Variants in NOL10 observed in about 807,000 individuals in gnomAD.
The protein encoded by NOL10 is H_NH0074G24.1.
In NOL10, 58 loss-of-function variants were observed where a neutral mutation model predicts 103.5. The observed-to-expected ratio is 0.56, with a 90% CI of 0.45 to 0.70. NOL10 has a LOEUF of 0.70. Ranked by LOEUF, NOL10 falls within the 30% of genes least tolerant of loss-of-function variation. The pLI is 0.00. For missense variants in NOL10, 763 were observed against 807.3 expected (o/e 0.95, Z 0.67); for synonymous variants, 287 against 282.5 (o/e 1.02, Z -0.16).
rs1288942167 is a variant in NOL10 at position 10,589,215 on chromosome 2, C to A, written c.1672G>T (p.Val558Phe). ...SESSDDEKAWVEEVRKQRRLL... is the reference protein window; with the variant it reads ...SESSDDEKAWFEEVRKQRRLL... ...CTGCGTTGCTTCCTGACCTCTTCAACCCAGGCTTTTTCATCATCTGAACTC... is the reference window on the plus strand; with the variant it reads ...CTGCGTTGCTTCCTGACCTCTTCAAACCAGGCTTTTTCATCATCTGAACTC... The change falls in exon 19 of 21, where the codon GTT becomes TTT. Residue 558 changes from valine to phenylalanine, a missense_variant. Coordinates refer to ENST00000381685, the MANE Select transcript of NOL10 (RefSeq NM_024894.4). 1.9e-6 allele frequency: 3 copies of A among 1,613,956 alleles called. No homozygotes were observed.
chr2:10,603,969 G>A (rs190545519), intron 14 of NOL10, among the ~76,000 whole-genome samples: 15 of 152,304 alleles, frequency 9.8e-5, no homozygotes, highest in Non-Finnish European at 1.8e-4. Flanking sequence ...CCAGGGACTG[G>A]TTTTGTAGAA....
chr2:10,575,820 G>A (rs986278872), intron 20 of NOL10, among the ~76,000 whole-genome samples: 2 of 152,062 alleles, frequency 1.3e-5, no homozygotes, highest in Non-Finnish European at 2.9e-5. Flanking sequence ...AGTTTCAGAG[G>A]GAATCAACGA....
At chr2:10,583,272 T>C (rs1479977288) in intron 19 of NOL10, among the ~76,000 whole-genome samples, 1 of 152,230 alleles carries the variant, frequency 6.6e-6, no homozygotes, top group Non-Finnish European at 1.5e-5. Flanking sequence ...GCATTTGTAT[T>C]TTTCTCTAGA....
At chr2:10,642,259 T>C (rs1678747813) in intron 13 of NOL10, among the ~76,000 whole-genome samples, 1 of 152,182 alleles carries the variant, frequency 6.6e-6, no homozygotes, top group Non-Finnish European at 1.5e-5. Flanking sequence ...ATGAATCGTC[T>C]GCAAGTACTG....
intron 13 of NOL10, among the ~76,000 whole-genome samples, chr2:10,619,821 A>G (rs996101399): frequency 2.0e-5 from 3 of 152,192 alleles, no homozygotes; most frequent in Non-Finnish European, 4.4e-5. Flanking sequence ...GGCTACAAAC[A>G]GTCATTTGAT....
intron 13 of NOL10, among the ~76,000 whole-genome samples, chr2:10,619,020 A>T (rs1004372392): frequency 9.9e-5 from 15 of 152,248 alleles, no homozygotes; most frequent in Non-Finnish European, 1.9e-4. Flanking sequence ...GAGGTTTATA[A>T]ACTTTGAACT....
chr2:10,604,579 A>G (rs770623014), intron 14 of NOL10: 2 of 152,212 alleles, frequency 1.3e-5, no homozygotes, highest in Non-Finnish European at 2.9e-5. Context: ...CTGCACGTGT[A>G]TATTCTCTAA....
rs1682519344 is a variant in NOL10 at position 10,689,927 on chromosome 2, C to T, written c.-66G>A. The T allele has an allele frequency of 6.8e-6, 10 of 1,472,480 alleles. No individual in the cohort carries two copies. Among genetic ancestry groups the T allele is most frequent in the Middle Eastern group, 3.5e-4 (2 of 5,726 alleles). The allele number at this position is 1,472,480 out of a possible 1,614,324, so 91.2% of individuals were successfully genotyped here. On this transcript the variant is annotated 5_prime_UTR_variant, in exon 1 of 21. Transcript: ENST00000381685. ...CCAGCGTGCTCGAGCACCGTAATCCCGGGACCTCCGAGCCCCTGCTCCGCG... is the reference window on the plus strand; with the variant it reads ...CCAGCGTGCTCGAGCACCGTAATCCTGGGACCTCCGAGCCCCTGCTCCGCG...
rs1219298924 is a variant in NOL10, at chr2:10,689,960, G to A, written c.-99C>T. 1.8e-6 allele frequency: 2 copies of A among 1,097,140 alleles called. No individual in the cohort carries two copies. The highest frequency in any genetic ancestry group is 2.6e-6 in the Non-Finnish European group (2 of 755,762). 68.0% of individuals were successfully genotyped at this position (1,097,140 alleles called of 1,614,324 possible). ...CCGAGCCCCTGCTCCGCGGCGTGCG[G>A]CCGCTGGCGCCGACTGATGACGCAC... On this transcript the variant is annotated 5_prime_UTR_variant, in exon 1 of 21. Transcript: ENST00000381685.
At chr2:10,670,561 A>G (rs1680863375) in intron 6 of NOL10, among the ~76,000 whole-genome samples, 1 of 152,038 alleles carries the variant, frequency 6.6e-6, no homozygotes, top group South Asian at 2.1e-4. Flanking sequence ...AAGGTGAAAC[A>G]TCGCCTCTAC....
At chr2:10,623,867 T>C (rs996061748) in intron 13 of NOL10, among the ~76,000 whole-genome samples, 2 of 152,236 alleles carry the variant, frequency 1.3e-5, no homozygotes, top group Non-Finnish European at 2.9e-5. Flanking sequence ...TCGATTAGAA[T>C]GGCTAAAACG....
rs1185352015 is a variant in NOL10 at position 10,600,892 on chromosome 2, T to C, written c.1383A>G (p.Glu461=). The part of the protein sequence containing the change: ...KELALKLIEE[E]EEKQKSTWKK... The stretch of plus-strand genomic sequence containing the variant: ...TCCATGTAGATTTCTGCTTCTCCTC[T>C]TCTTCCTCAATTAATTTAAGTGCCA... The change falls in exon 17 of 21, where the codon GAA becomes GAG. Residue 461 remains glutamate, a synonymous_variant. Transcript: ENST00000381685. The C allele has an allele frequency of 1.3e-5, 20 of 1,557,698 alleles. No homozygotes were observed. Among genetic ancestry groups the C allele is most frequent in the Non-Finnish European group, 1.7e-5 (20 of 1,149,586 alleles).
intron 14 of NOL10, among the ~76,000 whole-genome samples, chr2:10,603,682 ACTC>A (rs1438904848): frequency 6.6e-6 from 1 of 152,146 alleles, no homozygotes; most frequent in African/African-American, 2.4e-5. Flanking sequence ...TCACATATGC[ACTC>A]CTCATCAGGG....
In NOL10 at chr2:10,678,436, A is replaced by AC. The variant is rs34005227; in HGVS notation, c.212-2566dup. Among the ~76,000 whole-genome samples the AC allele has an allele frequency of 5.7e-3, 859 of 150,066 alleles. 10 individuals are homozygous for AC. The highest frequency in any genetic ancestry group is 0.019 in the African/African-American group (768 of 41,170). ...AAAAAAGTGGTAAAAAAAAAAAAAA[A>AC]CACTAATAAAAGTAGAGCCTCTATT... On this transcript the variant is annotated intron_variant, in intron 3 of 20. Transcript: ENST00000381685.
intron 19 of NOL10, among the ~76,000 whole-genome samples, chr2:10,587,206 C>CAT (rs771125828): frequency 1.9e-4 from 6 of 32,410 alleles, no homozygotes; most frequent in African/African-American, 2.7e-4. Flanking sequence ...TATATATACA[C>CAT]ATATATATAT....
chr2:10,601,980 G>A (rs1375626656), intron 16 of NOL10, among the ~76,000 whole-genome samples: 2 of 152,256 alleles, frequency 1.3e-5, no homozygotes, highest in African/African-American at 4.8e-5. Context: ...AGGGGCGGCT[G>A]CAGACAGACT....
chr2:10,670,284 T>C (rs1680841306), intron 6 of NOL10, among the ~76,000 whole-genome samples: 3 of 152,132 alleles, frequency 2.0e-5, no homozygotes, highest in East Asian at 1.9e-4. Flanking sequence ...TTAAAGAAAT[T>C]AGTCCTTCAA....
intron 13 of NOL10, among the ~76,000 whole-genome samples, chr2:10,630,917 A>G (rs1313120770): frequency 6.6e-6 from 1 of 152,194 alleles, no homozygotes; most frequent in Non-Finnish European, 1.5e-5. Context: ...TGTCTGGAAC[A>G]TCGTTTGTAT....
At chr2:10,666,995 C>G (rs904299885) in intron 8 of NOL10, among the ~76,000 whole-genome samples, 1 of 152,038 alleles carries the variant, frequency 6.6e-6, no homozygotes, top group Non-Finnish European at 1.5e-5. Context: ...CTACAAAAAA[C>G]TATTGGTAAG....
Sources: allele counts gnomAD v4.1 joint callset (sites outside exome capture counted in the v4.1 genomes callset), GRCh38; gene constraint gnomAD v4.1.1; transcripts MANE v1.5; gene names NCBI Gene and HGNC (gene_info 2026-07-23, HGNC 2026-07-21).